Variants in SH3GL2 observed in about 807,000 individuals in gnomAD.
The protein encoded by SH3GL2 is endophilin-A1.
In SH3GL2, 24 loss-of-function variants were observed where a neutral mutation model predicts 46.0. The ratio of observed to expected loss-of-function variants is 0.52; its 90% CI spans 0.38 to 0.73. The LOEUF (loss-of-function observed/expected upper bound fraction) is 0.73, where lower values mean the gene tolerates loss of function less well. Ranked by LOEUF, SH3GL2 falls within the 30% of genes least tolerant of loss-of-function variation. SH3GL2 has a pLI of 0.00. For synonymous variants in SH3GL2, 196 were observed against 147.1 expected, an observed-to-expected ratio of 1.33 and a Z score of -2.40; for missense variants, 413 against 424.2, an observed-to-expected ratio of 0.97 and a Z score of 0.23.
At chr9:17,615,563 G>A (rs901710054) in intron 1 of SH3GL2, among the ~76,000 whole-genome samples, 1 of 150,766 alleles carries the variant, frequency 6.6e-6, no homozygotes, top group Non-Finnish European at 1.5e-5. Flanking sequence ...GCTGAGGCAG[G>A]AGAAGTTCTT....
chr9:17,597,397 A>T (rs546549914), intron 1 of SH3GL2, among the ~76,000 whole-genome samples: 8 of 152,054 alleles, frequency 5.3e-5, no homozygotes, highest in Non-Finnish European at 1.2e-4. Context: ...CATGCCTGTA[A>T]TGCCAGCTAC....
intron 1 of SH3GL2, among the ~76,000 whole-genome samples, chr9:17,682,629 C>G (rs75037075): frequency 1.3e-5 from 2 of 151,360 alleles, no homozygotes; most frequent in South Asian, 2.1e-4. Flanking sequence ...ACACATATAC[C>G]TATGTAACAA....
intron 1 of SH3GL2, among the ~76,000 whole-genome samples, chr9:17,654,505 C>G (rs140514416): frequency 1.3e-5 from 2 of 152,272 alleles, no homozygotes; most frequent in South Asian, 2.1e-4. Context: ...TAGGAGAACT[C>G]TGTTCTGAGC....
chr9:17,700,822 A>G (rs1821326834), intron 1 of SH3GL2, among the ~76,000 whole-genome samples: 1 of 152,190 alleles, frequency 6.6e-6, no homozygotes, highest in Admixed American at 6.5e-5. Flanking sequence ...CATATGGTAT[A>G]AAGAATGCTA....
At chr9:17,626,717 T>C (rs1388155292) in intron 1 of SH3GL2, among the ~76,000 whole-genome samples, 1 of 152,186 alleles carries the variant, frequency 6.6e-6, no homozygotes, top group African/African-American at 2.4e-5. Context: ...ATGGCTCCCA[T>C]AGCTTTCTGC....
intron 1 of SH3GL2, among the ~76,000 whole-genome samples, chr9:17,604,341 G>A (rs1818722137): frequency 6.6e-6 from 1 of 152,190 alleles, no homozygotes; most frequent in African/African-American, 2.4e-5. Flanking sequence ...GTATAAAATG[G>A]GAATAATGTC....
intron 1 of SH3GL2, among the ~76,000 whole-genome samples, chr9:17,687,340 A>T (rs1820945079): frequency 6.6e-6 from 1 of 152,086 alleles, no homozygotes; most frequent in Non-Finnish European, 1.5e-5. Flanking sequence ...GTGAACAAGT[A>T]TTATTTTGGG....
intron 1 of SH3GL2, among the ~76,000 whole-genome samples, chr9:17,631,747 C>G (rs1195394234): frequency 6.6e-6 from 1 of 152,152 alleles, no homozygotes; most frequent in African/African-American, 2.4e-5. Context: ...TAACAATTTA[C>G]TATACTTTTT....
intron 4 of SH3GL2, among the ~76,000 whole-genome samples, chr9:17,786,772 T>TATCCAGATGCCTCCTTGGCAC (rs1823970327): frequency 6.6e-6 from 1 of 151,906 alleles, no homozygotes; most frequent in Non-Finnish European, 1.5e-5. Context: ...TTGGTTGACA[T>TATCCAGATGCCTCCTTGGCAC]ATCCAGATGC....
chr9:17,679,844 G>A (rs1820721520), intron 1 of SH3GL2, among the ~76,000 whole-genome samples: 1 of 152,148 alleles, frequency 6.6e-6, no homozygotes, highest in Non-Finnish European at 1.5e-5. Context: ...ATGAAGGGCT[G>A]TTGAATTTTG....
intron 1 of SH3GL2, among the ~76,000 whole-genome samples, chr9:17,681,375 G>A (rs558861856): frequency 7.9e-5 from 12 of 151,968 alleles, no homozygotes; most frequent in South Asian, 2.1e-4. Flanking sequence ...TGTATTTTCC[G>A]CTGTCTCTTG....
intron 8 of SH3GL2, 147 bp downstream of exon 8, chr9:17,793,644 C>G (rs1241050696): frequency 1.4e-6 from 1 of 702,550 alleles, no homozygotes; most frequent in African/African-American, 1.9e-5. Context: ...GGTAGAAACT[C>G]TGTTAAAGGA....
chr9:17,654,638 T>C (rs911310954), intron 1 of SH3GL2, among the ~76,000 whole-genome samples: 18 of 152,130 alleles, frequency 1.2e-4, no homozygotes, highest in African/African-American at 4.3e-4. Context: ...TCTTAGAAAA[T>C]CAATGCTTAT....
chr9:17,660,154 A>G (rs1024240209), intron 1 of SH3GL2, among the ~76,000 whole-genome samples: 4 of 152,204 alleles, frequency 2.6e-5, no homozygotes, highest in African/African-American at 4.8e-5. Flanking sequence ...GGCATGCATT[A>G]AGTTGGTTTG....
At chr9:17,738,626 TTA>T (rs368436353) in intron 1 of SH3GL2, among the ~76,000 whole-genome samples, 3 of 74,810 alleles carry the variant, frequency 4.0e-5, no homozygotes, top group Admixed American at 1.6e-4. Context: ...TCATGTGATT[TTA>T]TATATATATA....
intron 1 of SH3GL2, among the ~76,000 whole-genome samples, chr9:17,743,903 C>T (rs559219739): frequency 1.3e-5 from 2 of 152,254 alleles, no homozygotes; most frequent in South Asian, 4.1e-4. Context: ...TTAATGAAAG[C>T]ATCTCTCAGC....
intron 1 of SH3GL2, among the ~76,000 whole-genome samples, chr9:17,618,430 G>A (rs1819055911): frequency 6.6e-6 from 1 of 152,160 alleles, no homozygotes; most frequent in Non-Finnish European, 1.5e-5. Flanking sequence ...CTGGACTGAG[G>A]TGCCACCATG....
At chr9:17,727,989 G>C (rs1294750687) in intron 1 of SH3GL2, among the ~76,000 whole-genome samples, 1 of 152,048 alleles carries the variant, frequency 6.6e-6, no homozygotes, top group Non-Finnish European at 1.5e-5. Flanking sequence ...GAAGGAGACT[G>C]GTTATCTCAG....
At chr9:17,599,849 A>T (rs1043564241) in intron 1 of SH3GL2, among the ~76,000 whole-genome samples, 3 of 151,838 alleles carry the variant, frequency 2.0e-5, no homozygotes, top group African/African-American at 7.3e-5. Flanking sequence ...ATTTTTTTTG[A>T]TATTTCCTTT....
Sources: gnomAD v4.1 joint callset for allele counts (sites outside exome capture counted in the v4.1 genomes callset) on GRCh38, gnomAD v4.1.1 for gene constraint, MANE v1.5 for transcripts, NCBI Gene and HGNC (gene_info 2026-07-23, HGNC 2026-07-21) for gene names.